Variants in MNS1 observed in about 807,000 individuals in gnomAD.
MNS1 encodes meiosis specific nuclear structural 1, also known as meiosis-specific nuclear structural protein 1.
A neutral mutation model predicts 72.0 loss-of-function variants in MNS1; 63 were observed. That is an observed-to-expected ratio of 0.87 (90% CI 0.71 to 1.08). MNS1 has a LOEUF of 1.08. Among genes scored for constraint, MNS1 ranks in the 50% least tolerant of loss-of-function variants. The pLI is 0.00. For synonymous variants in MNS1, 188 were observed against 172.1 expected, an observed-to-expected ratio of 1.09 and a Z score of -0.72; for missense variants, 604 against 562.4, an observed-to-expected ratio of 1.07 and a Z score of -0.75.
intron 7 of MNS1, among the ~76,000 whole-genome samples, chr15:56,438,708 A>G (rs963437819): frequency 3.3e-5 from 5 of 152,206 alleles, no homozygotes; most frequent in African/African-American, 1.2e-4. Context: ...TGAACAGCCA[A>G]CCTACAGAAT....
chr15:56,459,581 T>C (rs1223682141), intron 2 of MNS1, among the ~76,000 whole-genome samples: 2 of 152,180 alleles, frequency 1.3e-5, no homozygotes, highest in South Asian at 2.1e-4. Context: ...TACTTAGCAA[T>C]TGAAAACTAC....
chr15:56,443,949 A>T (rs1003247793), intron 5 of MNS1, 95 bp from the exon 6 acceptor site: 1 of 979,740 alleles, frequency 1.0e-6, no homozygotes, highest in East Asian at 2.7e-5. Context: ...AAAACACTAT[A>T]GTTTTTTCAT....
At chr15:56,451,775 T>C (rs1287117296) in intron 3 of MNS1, among the ~76,000 whole-genome samples, 1 of 152,174 alleles carries the variant, frequency 6.6e-6, no homozygotes, top group Non-Finnish European at 1.5e-5. Context: ...ATGTAGTTTA[T>C]TGGGACATGA....
intron 2 of MNS1, among the ~76,000 whole-genome samples, chr15:56,463,185 A>G (rs2051033788): frequency 6.6e-6 from 1 of 152,180 alleles, no homozygotes. Flanking sequence ...TTAATCCCTT[A>G]AAATGTTGAG....
Position 56,454,147 on chromosome 15 carries a change from C to T in MNS1, c.353+2247G>A, listed in dbSNP as rs149256124. Reference sequence around the variant, plus strand: ...TGACTTTTAGTTTGAAAAAATTTTTCACAAGGTATAAAATTCTGGTTGAGT... The same window carrying T: ...TGACTTTTAGTTTGAAAAAATTTTTTACAAGGTATAAAATTCTGGTTGAGT... On this transcript the variant is annotated intron_variant, in intron 3 of 9. Coordinates refer to ENST00000260453, the MANE Select transcript of MNS1 (RefSeq NM_018365.4). Among the ~76,000 whole-genome samples, 397 of 152,244 alleles carry T rather than the reference C, an allele frequency of 2.6e-3. 3 individuals are homozygous for T. The highest frequency in any genetic ancestry group is 9.1e-3 in the African/African-American group (378 of 41,558).
intron 4 of MNS1, chr15:56,445,922 A>G (rs1331537846): frequency 1.3e-5 from 2 of 152,080 alleles, no homozygotes; most frequent in African/African-American, 4.8e-5. Flanking sequence ...GGACAGCGCT[A>G]TATGGCTTAG....
chr15:56,456,543 G>A (rs1354193563), intron 2 of MNS1, 22 bp from the exon 3 acceptor site: 51 of 1,602,550 alleles, frequency 3.2e-5, no homozygotes, highest in Non-Finnish European at 3.9e-5. Context: ...ATTTAACTTC[G>A]TTGTTTGTCC....
chr15:56,451,255 G>A (rs2050945202), intron 3 of MNS1, among the ~76,000 whole-genome samples: 1 of 152,168 alleles, frequency 6.6e-6, no homozygotes, highest in African/African-American at 2.4e-5. Flanking sequence ...AACAATTTGT[G>A]AATAAGATCT....
chr15:56,452,802 GC>G (rs1362728306), intron 3 of MNS1, among the ~76,000 whole-genome samples: 4 of 152,120 alleles, frequency 2.6e-5, no homozygotes, highest in Admixed American at 6.5e-5. Flanking sequence ...ACAGGCATGA[GC>G]CACCGCACCC....
Position 56,443,657 on chromosome 15 carries a change from CT to C in MNS1, c.883del (p.Arg295GlyfsTer8). 6.2e-7 allele frequency: 1 copy of C among 1,612,544 alleles called. No individual in the cohort carries two copies. Among genetic ancestry groups the C allele is most frequent in the South Asian group, 1.1e-5 (1 of 90,676 alleles). On this transcript the variant is annotated frameshift_variant, in exon 6 of 10. Coordinates refer to ENST00000260453, the MANE Select transcript of MNS1 (RefSeq NM_018365.4). LOFTEE classifies it high-confidence loss of function. ...TAATACCGCATTCTGAAGCTGTAGC[CT>C]TTTCTCCTCATTTTCTTGAACTTTT... The part of the protein sequence containing the change: ...MAKVQENEEK[R>X]LQLQNALTQK...
chr15:56,434,432 T>C, intron 7 of MNS1, 37 bp from the exon 8 acceptor site: 2 of 1,566,516 alleles, frequency 1.3e-6, no homozygotes, highest in Non-Finnish European at 1.7e-6. Context: ...TAGTAACTAT[T>C]TCCTTACACC....
At chr15:56,460,013 C>CATATATATATATAT (rs367624285) in intron 2 of MNS1, among the ~76,000 whole-genome samples, 61 of 34,628 alleles carry the variant, frequency 1.8e-3, no homozygotes, top group African/African-American at 6.8e-3. Flanking sequence ...AAAAAAAATA[C>CATATATATATATAT]ATATATATAT....
intron 2 of MNS1, among the ~76,000 whole-genome samples, chr15:56,458,924 C>G (rs1267962884): frequency 6.6e-6 from 1 of 152,124 alleles, no homozygotes; most frequent in Non-Finnish European, 1.5e-5. Context: ...AACATTTGTG[C>G]TATGGCAGCT....
chr15:56,448,324 G>A (rs1453974823), intron 3 of MNS1, among the ~76,000 whole-genome samples: 2 of 152,182 alleles, frequency 1.3e-5, no homozygotes, highest in African/African-American at 2.4e-5. Context: ...ACTGAGGTTT[G>A]GAGTACAGCT....
chr15:56,444,782 A>T (rs1157766203), intron 4 of MNS1, 109 bp from the exon 5 acceptor site: 22 of 1,010,618 alleles, frequency 2.2e-5, no homozygotes, highest in Admixed American at 5.0e-5. Flanking sequence ...CATAAAATAA[A>T]TTTTTTCATC....
intron 7 of MNS1, among the ~76,000 whole-genome samples, chr15:56,442,448 T>C (rs1260647296): frequency 6.6e-6 from 1 of 152,214 alleles, no homozygotes; most frequent in African/African-American, 2.4e-5. Context: ...TGTGTATTTA[T>C]AGCAGCACTA....
chr15:56,461,082 G>A (rs1185815148), intron 2 of MNS1, among the ~76,000 whole-genome samples: 1 of 152,148 alleles, frequency 6.6e-6, no homozygotes, highest in Non-Finnish European at 1.5e-5. Flanking sequence ...GAAGAATTCT[G>A]TCTTATTCAA....
At chr15:56,447,060 A>G in intron 3 of MNS1, 117 bp from the exon 4 acceptor site, 1 of 674,158 alleles carries the variant, frequency 1.5e-6, no homozygotes, top group Non-Finnish European at 2.5e-6. Context: ...AGCGGGTATT[A>G]TTTTAGATCC....
At chr15:56,452,101 C>T (rs111306218) in intron 3 of MNS1, among the ~76,000 whole-genome samples, 1 of 152,180 alleles carries the variant, frequency 6.6e-6, no homozygotes, top group Non-Finnish European at 1.5e-5. Context: ...CCTATGTTCT[C>T]TCTTCTCTCC....
Sources: allele counts gnomAD v4.1 joint callset (sites outside exome capture counted in the v4.1 genomes callset), GRCh38; gene constraint gnomAD v4.1.1; transcripts MANE v1.5; gene names NCBI Gene and HGNC (gene_info 2026-07-23, HGNC 2026-07-21).